The following NRXN3 variants were observed in gnomAD, a reference collection of about 807,000 sequenced individuals.
NRXN3 encodes neurexin III.
NRXN3 carries 32 observed loss-of-function variants against 137.6 expected under a neutral mutation model. That is an observed-to-expected ratio of 0.23 (90% CI 0.18 to 0.31). The LOEUF (loss-of-function observed/expected upper bound fraction) is 0.31, where lower values mean the gene tolerates loss of function less well. Ranked by LOEUF, NRXN3 falls within the 10% of genes least tolerant of loss-of-function variation. The pLI is 1.00. For missense variants in NRXN3, 1,574 were observed against 2,062.5 expected, an observed-to-expected ratio of 0.76 and a Z score of 4.59; for synonymous variants, 798 against 784.5, an observed-to-expected ratio of 1.02 and a Z score of -0.29.
intron 10 of NRXN3, among the ~76,000 whole-genome samples, chr14:78,815,341 A>G (rs1162377859): frequency 1.3e-5 from 2 of 152,170 alleles, no homozygotes; most frequent in African/African-American, 4.8e-5. Flanking sequence ...CCTTTGATTC[A>G]TCATAGAGGT....
intron 2 of NRXN3, among the ~76,000 whole-genome samples, chr14:78,251,850 G>A (rs2068677974): frequency 6.6e-6 from 1 of 152,162 alleles, no homozygotes; most frequent in Non-Finnish European, 1.5e-5. Flanking sequence ...GGGAGGTTTA[G>A]TTTGCTGTGG....
chr14:78,507,911 A>G (rs969362238), intron 4 of NRXN3, among the ~76,000 whole-genome samples: 2 of 152,194 alleles, frequency 1.3e-5, no homozygotes, highest in Non-Finnish European at 2.9e-5. Context: ...GAACTCTTAG[A>G]GGATTGGGTT....
At chr14:78,348,063 A>T (rs1326258082) in intron 4 of NRXN3, among the ~76,000 whole-genome samples, 1 of 152,046 alleles carries the variant, frequency 6.6e-6, no homozygotes, top group Non-Finnish European at 1.5e-5. Flanking sequence ...TAACTGAATC[A>T]CTCTAGGAAA....
chr14:79,612,414 T>C (rs1259797013), intron 16 of NRXN3, among the ~76,000 whole-genome samples: 1 of 152,144 alleles, frequency 6.6e-6, no homozygotes, highest in Non-Finnish European at 1.5e-5. Flanking sequence ...ACAGTGATCT[T>C]TTTGCTGGTG....
intron 15 of NRXN3, among the ~76,000 whole-genome samples, chr14:79,040,563 A>C (rs1007987013): frequency 6.6e-6 from 1 of 152,136 alleles, no homozygotes; most frequent in Non-Finnish European, 1.5e-5. Context: ...TCTTGTTGTG[A>C]GGCATTACCC....
At chr14:78,254,549 G>A (rs1403235902) in intron 2 of NRXN3, among the ~76,000 whole-genome samples, 1 of 147,804 alleles carries the variant, frequency 6.8e-6, no homozygotes, top group Non-Finnish European at 1.5e-5. Flanking sequence ...TGTGGTGGCA[G>A]GCACCTGTAA....
chr14:78,551,630 C>T (rs1435049680), intron 4 of NRXN3, among the ~76,000 whole-genome samples: 2 of 149,994 alleles, frequency 1.3e-5, no homozygotes, highest in Non-Finnish European at 3.0e-5. Context: ...CTACTCTTTC[C>T]CCCTTTCTCC....
At chr14:79,295,428 A>G (rs995154470) in intron 15 of NRXN3, among the ~76,000 whole-genome samples, 1 of 152,188 alleles carries the variant, frequency 6.6e-6, no homozygotes, top group African/African-American at 2.4e-5. Flanking sequence ...GCACTCTTTC[A>G]AATGTCTCTC....
chr14:78,500,111 A>G lies in NRXN3; in HGVS notation c.758-145009A>G, dbSNP rs914108633. 3.9e-5 allele frequency among the ~76,000 whole-genome samples: 6 copies of G among 152,026 alleles called. 1 individual carries two copies. The highest frequency in any genetic ancestry group is 2.0e-4 in the Admixed American group (3 of 15,250). ...CTGTGGGTTGTCTTTTAGATGCTTT[A>G]TTTTGCCTAATTTTATTTTATTTTT... On this transcript the variant is annotated intron_variant, in intron 4 of 20. Coordinates refer to ENST00000335750, the MANE Select transcript of NRXN3 (RefSeq NM_001330195.2).
At chr14:78,310,135 A>G (rs1882814) in intron 4 of NRXN3, among the ~76,000 whole-genome samples, 47,653 of 151,888 alleles carry the variant, frequency 0.31, 7,664 homozygotes, top group Middle Eastern at 0.36. Context: ...TTGGCATAAC[A>G]TGAGAAAACT....
At chr14:78,457,112 C>T (rs2094763218) in intron 4 of NRXN3, among the ~76,000 whole-genome samples, 1 of 149,504 alleles carries the variant, frequency 6.7e-6, no homozygotes. Context: ...AATCTCACCT[C>T]ACTGCAACCT....
intron 16 of NRXN3, among the ~76,000 whole-genome samples, chr14:79,532,646 A>C (rs2097179905): frequency 6.6e-6 from 1 of 152,148 alleles, no homozygotes; most frequent in African/African-American, 2.4e-5. Context: ...AAGTTAGAGA[A>C]GTACCATAGG....
intron 15 of NRXN3, among the ~76,000 whole-genome samples, chr14:79,388,287 A>G (rs1463942190): frequency 6.6e-6 from 1 of 152,098 alleles, no homozygotes; most frequent in Non-Finnish European, 1.5e-5. Flanking sequence ...CTGCAGAACC[A>G]ACTACACATC....
At chr14:79,636,859 G>A (rs1279359544) in intron 16 of NRXN3, among the ~76,000 whole-genome samples, 1 of 152,196 alleles carries the variant, frequency 6.6e-6, no homozygotes, top group Non-Finnish European at 1.5e-5. Flanking sequence ...GAACACTTGA[G>A]AACCTCTGCT....
rs1359280335 is a variant in NRXN3 at position 79,292,337 on chromosome 14, T to G, written c.3263-174884T>G. Among the ~76,000 whole-genome samples the G allele has an allele frequency of 2.6e-5, 4 of 152,316 alleles. No homozygotes were observed. The East Asian group carries it at 7.7e-4, about 29-fold the overall frequency. Reference sequence around the variant, plus strand: ...CCCTCTCCTTTGACAGGGAAGCCCATTGGTGCCTCATTCTCCTCATGTTTA... The same window carrying G: ...CCCTCTCCTTTGACAGGGAAGCCCAGTGGTGCCTCATTCTCCTCATGTTTA... On this transcript the variant is annotated intron_variant, in intron 15 of 20. Coordinates refer to ENST00000335750, the MANE Select transcript of NRXN3 (RefSeq NM_001330195.2).
intron 15 of NRXN3, among the ~76,000 whole-genome samples, chr14:79,324,074 CAA>C (rs1214378919): frequency 2.0e-5 from 3 of 152,236 alleles, no homozygotes; most frequent in East Asian, 1.9e-4. Flanking sequence ...CTCAAAGAAA[CAA>C]AGAGAGAAGT....
At chr14:78,917,987 T>TAAAAAAAA (rs1567699023) in intron 10 of NRXN3, among the ~76,000 whole-genome samples, 1 of 76,480 alleles carries the variant, frequency 1.3e-5, no homozygotes, top group Non-Finnish European at 2.6e-5. Flanking sequence ...AATAAAAAAA[T>TAAAAAAAA]GAAAAAAAAA....
chr14:79,588,023 G>T (rs2097775450), intron 16 of NRXN3, among the ~76,000 whole-genome samples: 1 of 152,132 alleles, frequency 6.6e-6, no homozygotes, highest in South Asian at 2.1e-4. Context: ...TCACCTCTTA[G>T]TCATTCTCAA....
chr14:78,594,555 G>A (rs1420538804), intron 4 of NRXN3, among the ~76,000 whole-genome samples: 2 of 152,164 alleles, frequency 1.3e-5, no homozygotes, highest in African/African-American at 4.8e-5. Flanking sequence ...CTCAGTAACC[G>A]ATGGCTTCCC....
Sources: gnomAD v4.1 joint callset for allele counts (sites outside exome capture counted in the v4.1 genomes callset) on GRCh38, gnomAD v4.1.1 for gene constraint, MANE v1.5 for transcripts, NCBI Gene and HGNC (gene_info 2026-07-23, HGNC 2026-07-21) for gene names.